Variants in RAPGEF2 observed in about 807,000 individuals in gnomAD.
The protein encoded by RAPGEF2 is PDZ domain containing guanine nucleotide exchange factor (GEF) 1.
A neutral mutation model predicts 186.7 loss-of-function variants in RAPGEF2; 54 were observed. That is an observed-to-expected ratio of 0.29 (90% CI 0.23 to 0.36). The LOEUF (loss-of-function observed/expected upper bound fraction) is 0.36. Ranked by LOEUF, RAPGEF2 falls within the 10% of genes least tolerant of loss-of-function variation. The pLI is 1.00. For missense variants in RAPGEF2, 1,532 were observed against 2,045.0 expected (o/e 0.75, Z 4.84); for synonymous variants, 712 against 705.9 (o/e 1.01, Z -0.14).
intron 7 of RAPGEF2, among the ~76,000 whole-genome samples, chr4:159,254,207 A>G (rs1461233025): frequency 6.6e-6 from 1 of 152,202 alleles, no homozygotes. Flanking sequence ...AAAGAATACA[A>G]GGACAATATT....
chr4:159,197,751 CTG>C (rs573746097), intron 3 of RAPGEF2, among the ~76,000 whole-genome samples: 8 of 152,334 alleles, frequency 5.3e-5, no homozygotes, highest in Admixed American at 2.0e-4. Context: ...TCCCACTGCT[CTG>C]TGAGGCTGCT....
At chr4:159,129,304 T>C (rs1467384499) in intron 1 of RAPGEF2, among the ~76,000 whole-genome samples, 1 of 152,172 alleles carries the variant, frequency 6.6e-6, no homozygotes. Context: ...TTTGATAATA[T>C]AGACCTTTTG....
At chr4:159,342,526 CTTTTATTTTATTTTA>C (rs200624687) in intron 20 of RAPGEF2, among the ~76,000 whole-genome samples, 1 of 108,682 alleles carries the variant, frequency 9.2e-6, no homozygotes, top group African/African-American at 3.7e-5. Flanking sequence ...ACTATCATAG[CTTTTATTTTATTTTA>C]TTTTATTTTA....
chr4:159,356,275 A>G (rs1225253477), intron 29 of RAPGEF2, 117 bp downstream of exon 29: 9 of 1,051,392 alleles, frequency 8.6e-6, no homozygotes, highest in Non-Finnish European at 1.2e-5. Context: ...CATATACTAC[A>G]CAAAGTACAC....
intron 7 of RAPGEF2, among the ~76,000 whole-genome samples, chr4:159,251,910 G>A (rs1179958066): frequency 6.6e-6 from 1 of 151,416 alleles, no homozygotes; most frequent in Non-Finnish European, 1.5e-5. Flanking sequence ...TGCGGCTCAC[G>A]CTTTGGGTCT....
At chr4:159,226,120 A>C (rs1456191962) in intron 4 of RAPGEF2, among the ~76,000 whole-genome samples, 1 of 152,050 alleles carries the variant, frequency 6.6e-6, no homozygotes, top group Non-Finnish European at 1.5e-5. Context: ...TACTTCCTCC[A>C]TTTAGGTCTG....
chr4:159,312,316 TAATA>T (rs1200394374), intron 8 of RAPGEF2, among the ~76,000 whole-genome samples: 6 of 152,122 alleles, frequency 3.9e-5, no homozygotes, highest in African/African-American at 9.7e-5. Context: ...AGGTGATGAG[TAATA>T]AATAGTCTTC....
At chr4:159,308,973 T>C (rs1247408323) in intron 8 of RAPGEF2, among the ~76,000 whole-genome samples, 1 of 152,182 alleles carries the variant, frequency 6.6e-6, no homozygotes, top group Admixed American at 6.5e-5. Context: ...GGAGATTCAA[T>C]TGAGTTAGTG....
At chr4:159,275,222 T>C (rs1444991446) in intron 7 of RAPGEF2, among the ~76,000 whole-genome samples, 1 of 152,136 alleles carries the variant, frequency 6.6e-6, no homozygotes, top group Non-Finnish European at 1.5e-5. Context: ...CCCATATGCT[T>C]CAGATCTCTT....
chr4:159,353,850 A>G lies in RAPGEF2; in HGVS notation c.4455A>G (p.Ala1485=), dbSNP rs1407498468. The change falls in exon 28 of 30, where the codon GCA becomes GCG. Residue 1485 remains alanine (A), a synonymous_variant. Transcript: ENST00000691494. This position sits in a 1 kb window ranked among gnomAD's most constrained non-coding sequence, Gnocchi z 4.3. The part of the protein sequence containing the change: ...RESLEQAQSR[A]SWASSTGYWG... ...GCCTTGAACAAGCCCAGTCCCGAGC[A>G]AGCTGGGCGTCTTCCACAGGTTACT... 6.2e-7 allele frequency: 1 copy of G among 1,614,230 alleles called. No individual in the cohort carries two copies. The highest frequency in any genetic ancestry group is 8.5e-7 in the Non-Finnish European group (1 of 1,180,040).
At chr4:159,325,818 G>A (rs1215880872) in intron 11 of RAPGEF2, among the ~76,000 whole-genome samples, 1 of 152,154 alleles carries the variant, frequency 6.6e-6, no homozygotes, top group Non-Finnish European at 1.5e-5. Context: ...GGAAAAGGAA[G>A]AGGAAGTAGG....
chr4:159,103,541 G>A lies in RAPGEF2; in HGVS notation c.-622G>A. 6.5e-6 allele frequency: 1 copy of A among 153,580 alleles called. No individual in the cohort carries two copies. The highest frequency in any genetic ancestry group is 1.5e-5 in the Non-Finnish European group (1 of 68,440). 9.5% of individuals were successfully genotyped at this position (153,580 alleles called of 1,614,324 possible). On this transcript the variant is annotated 5_prime_UTR_variant, in exon 1 of 30. Coordinates refer to ENST00000691494, the MANE Select transcript of RAPGEF2 (RefSeq NM_001394067.2). Reference sequence around the variant, plus strand: ...CAGGAGCGGCGGCCGAGGCGATCGGGCTTCGCAGCGCCCGGACCTGAGCCA... The same window carrying A: ...CAGGAGCGGCGGCCGAGGCGATCGGACTTCGCAGCGCCCGGACCTGAGCCA...
intron 4 of RAPGEF2, among the ~76,000 whole-genome samples, chr4:159,233,844 T>A (rs1288059624): frequency 6.6e-6 from 1 of 152,162 alleles, no homozygotes; most frequent in Admixed American, 6.5e-5. Flanking sequence ...TGACCATTGA[T>A]GTATGAGTTT....
rs1731385743 is a variant in RAPGEF2 at position 159,352,807 on chromosome 4, G to A, written c.3988G>A (p.Asp1330Asn). The A allele has an allele frequency of 2.1e-5, 34 of 1,614,058 alleles. No homozygotes were observed. The highest frequency in any genetic ancestry group is 6.6e-5 in the South Asian group (6 of 91,082). The change falls in exon 27 of 30, where the codon GAT (aspartate) becomes AAT (asparagine). Residue 1330 changes from aspartate to asparagine, a missense_variant. This residue lies in a region of RAPGEF2 where 594 missense variants were observed against 608.5 expected (regional missense o/e 0.98). Coordinates refer to ENST00000691494, the MANE Select transcript of RAPGEF2 (RefSeq NM_001394067.2). ...TGACTCAGTGCCAGTCTCACTGCAC[G>A]ATGAGAGGCGCCAGAGGCATTCTGT... ...SFDSVPVSLH[D>N]ERRQRHSVSI...
At chr4:159,318,674 T>A (rs528406629) in intron 9 of RAPGEF2, among the ~76,000 whole-genome samples, 63 of 152,284 alleles carry the variant, frequency 4.1e-4, no homozygotes, top group African/African-American at 1.3e-3. Flanking sequence ...TGAATAGTTT[T>A]AAAAAATTTT....
intron 22 of RAPGEF2, among the ~76,000 whole-genome samples, 191 bp downstream of exon 22, chr4:159,343,595 C>T (rs559306680): frequency 4.1e-4 from 62 of 152,236 alleles, no homozygotes; most frequent in African/African-American, 1.4e-3. Context: ...AGTGTTCTTT[C>T]GGCTGTCAGT....
intron 1 of RAPGEF2, among the ~76,000 whole-genome samples, chr4:159,141,011 CA>C (rs960527934): frequency 1.3e-5 from 2 of 151,840 alleles, no homozygotes; most frequent in Admixed American, 1.3e-4. Flanking sequence ...TTTGTATTTT[CA>C]GTAGAGACGG....
chr4:159,180,404 T>G (rs1290049414), intron 1 of RAPGEF2, among the ~76,000 whole-genome samples: 4 of 152,200 alleles, frequency 2.6e-5, no homozygotes, highest in Non-Finnish European at 5.9e-5. Flanking sequence ...ACATTACTTA[T>G]GTGTTGCCTG....
In RAPGEF2 at chr4:159,358,634, G is replaced by C. The variant is rs555382079; in HGVS notation, c.*495G>C. On this transcript the variant is annotated 3_prime_UTR_variant, in exon 30 of 30. Coordinates refer to ENST00000691494, the MANE Select transcript of RAPGEF2 (RefSeq NM_001394067.2). ...AAAGAAAAACAATGAAATCCTTTGA[G>C]TACAGTGCTTGTCCACTTGTTTACA... 1 of 153,040 alleles carries C rather than the reference G, an allele frequency of 6.5e-6. No individual in the cohort carries two copies. Among genetic ancestry groups the C allele is most frequent in the Middle Eastern group, 3.3e-3 (1 of 300 alleles). 9.5% of individuals were successfully genotyped at this position (153,040 alleles called of 1,614,324 possible).
Sources: gnomAD v4.1 joint callset for allele counts (sites outside exome capture counted in the v4.1 genomes callset) on GRCh38, gnomAD v4.1.1 for gene constraint, gnomAD v4.1.1 regional missense constraint, Gnocchi (gnomAD v3.1) non-coding constraint, MANE v1.5 for transcripts, NCBI Gene and HGNC (gene_info 2026-07-23, HGNC 2026-07-21) for gene names.